FSIP1: variants seen among roughly 807,000 people sequenced by gnomAD.
FSIP1 encodes the protein fibrous sheath-interacting protein 1.
A neutral mutation model predicts 60.9 loss-of-function variants in FSIP1; 65 were observed. The ratio of observed to expected loss-of-function variants is 1.07; its 90% CI spans 0.87 to 1.31. The LOEUF (loss-of-function observed/expected upper bound fraction) is 1.31, where lower values mean the gene tolerates loss of function less well. Ranked by LOEUF, FSIP1 falls within the 40% of genes most tolerant of loss-of-function variation. The probability of loss-of-function intolerance (pLI) is 0.00; values close to 1 mark genes in which losing one functional copy is unlikely to be tolerated. For missense variants in FSIP1, 675 were observed against 665.5 expected (o/e 1.01, Z -0.16); for synonymous variants, 209 against 221.2 (o/e 0.94, Z 0.49).
intron 8 of FSIP1, among the ~76,000 whole-genome samples, chr15:39,730,843 T>C (rs868136469): frequency 2.6e-5 from 4 of 152,186 alleles, no homozygotes; most frequent in South Asian, 4.1e-4. Flanking sequence ...GTCTGGTGGC[T>C]GCGGAGCCAC....
At chr15:39,635,761 T>C (rs1187204098) in intron 10 of FSIP1, among the ~76,000 whole-genome samples, 7 of 152,210 alleles carry the variant, frequency 4.6e-5, no homozygotes, top group Admixed American at 4.6e-4. Flanking sequence ...CCCATCCTGC[T>C]GCCTATTATG....
At chr15:39,723,422 G>T (rs576897653) in intron 9 of FSIP1, among the ~76,000 whole-genome samples, 8 of 152,194 alleles carry the variant, frequency 5.3e-5, no homozygotes, top group African/African-American at 1.9e-4. Flanking sequence ...GTAGAGATGG[G>T]ATTTCACCAT....
At chr15:39,752,147 T>A (rs1897183079) in intron 5 of FSIP1, among the ~76,000 whole-genome samples, 1 of 152,046 alleles carries the variant, frequency 6.6e-6, no homozygotes. Context: ...TTTGTTGCTA[T>A]TGTTTTTGAG....
intron 9 of FSIP1, among the ~76,000 whole-genome samples, chr15:39,725,736 T>C (rs978019359): frequency 6.6e-6 from 1 of 152,022 alleles, no homozygotes; most frequent in Non-Finnish European, 1.5e-5. Context: ...TACTAAAATA[T>C]AGGGTTGAGG....
intron 2 of FSIP1, among the ~76,000 whole-genome samples, chr15:39,773,473 G>A (rs1012264571): frequency 4.6e-5 from 7 of 152,144 alleles, no homozygotes; most frequent in Non-Finnish European, 7.4e-5. Context: ...CTGAGTTTAC[G>A]TGATCACTGA....
rs377082219 is a variant in FSIP1 at position 39,716,783 on chromosome 15, G to A, written c.1051-3202C>T. Among the ~76,000 whole-genome samples the A allele has an allele frequency of 8.8e-5, 13 of 147,400 alleles. No individual in the cohort carries two copies. In the East Asian group the frequency reaches 1.8e-3, roughly 20 times the overall value. On this transcript the variant is annotated intron_variant, in intron 9 of 11. Coordinates refer to ENST00000350221, the MANE Select transcript of FSIP1 (RefSeq NM_152597.5). ...ACATTGTTTGCAGGACTATACAAAGGTACAACCACTTTGAAAAACAGGCCA... is the reference window on the plus strand; with the variant it reads ...ACATTGTTTGCAGGACTATACAAAGATACAACCACTTTGAAAAACAGGCCA...
In FSIP1 at chr15:39,732,517, G is replaced by T. The variant is rs143239722; in HGVS notation, c.891+5574C>A. On this transcript the variant is annotated intron_variant, in intron 8 of 11. Transcript: ENST00000350221. ...ATCTGTAATCCCACCTACTTGGAAG[G>T]CTGAGGCAGGAGAATCACTTGAGCC... is the stretch of plus-strand genomic sequence containing the variant. Among the ~76,000 whole-genome samples, 27 of 151,666 alleles carry T rather than the reference G, an allele frequency of 1.8e-4. No individual in the cohort carries two copies. In the East Asian group the frequency reaches 5.3e-3, roughly 30 times the overall value.
intron 2 of FSIP1, among the ~76,000 whole-genome samples, chr15:39,773,178 A>C (rs552772862): frequency 2.6e-5 from 4 of 152,348 alleles, no homozygotes; most frequent in African/African-American, 9.6e-5. Flanking sequence ...TAAGAATTTA[A>C]TAAAAGACAA....
intron 8 of FSIP1, among the ~76,000 whole-genome samples, chr15:39,730,389 G>A (rs1450546738): frequency 1.3e-5 from 2 of 152,098 alleles, no homozygotes; most frequent in East Asian, 3.8e-4. Flanking sequence ...GAATGGATAA[G>A]GTCATAAAGG....
chr15:39,751,440 C>T (rs1261126383), intron 5 of FSIP1, among the ~76,000 whole-genome samples: 1 of 151,526 alleles, frequency 6.6e-6, no homozygotes, highest in Non-Finnish European at 1.5e-5. Flanking sequence ...CACACACACA[C>T]ACACACACAC....
In FSIP1 at chr15:39,668,765, A is replaced by G. The variant is rs868672489; in HGVS notation, c.1188+44679T>C. On this transcript the variant is annotated intron_variant, in intron 10 of 11. Coordinates refer to ENST00000350221, the MANE Select transcript of FSIP1 (RefSeq NM_152597.5). ...TGCTTGCTTACCACACTAGTTCTCAAGTAGCTACAATTCCTTCGCCTCGCT... is the reference window on the plus strand; with the variant it reads ...TGCTTGCTTACCACACTAGTTCTCAGGTAGCTACAATTCCTTCGCCTCGCT... Among the ~76,000 whole-genome samples, 8 of 152,162 alleles carry G rather than the reference A, an allele frequency of 5.3e-5. No homozygotes were observed. In the South Asian group the frequency reaches 1.5e-3, roughly 28 times the overall value.
At chr15:39,781,249 A>G (rs1898255963) in intron 1 of FSIP1, among the ~76,000 whole-genome samples, 2 of 152,206 alleles carry the variant, frequency 1.3e-5, no homozygotes. Context: ...AAAATAAAAT[A>G]AAAATCACAA....
chr15:39,657,054 C>A (rs1287835098), intron 10 of FSIP1, among the ~76,000 whole-genome samples: 8 of 152,224 alleles, frequency 5.3e-5, no homozygotes. Context: ...TGGAAAGCAG[C>A]ACCTGGGACC....
intron 1 of FSIP1, among the ~76,000 whole-genome samples, chr15:39,778,508 T>C (rs1274866238): frequency 2.0e-5 from 3 of 152,158 alleles, no homozygotes; most frequent in South Asian, 2.1e-4. Context: ...GAAAAAGGTA[T>C]TGGTAAAGGG....
chr15:39,674,897 G>A (rs4924377), intron 10 of FSIP1, among the ~76,000 whole-genome samples: 99,942 of 151,886 alleles, frequency 0.66, 33,725 homozygotes, highest in Non-Finnish European at 0.76. Flanking sequence ...ATAAAAAGTG[G>A]AAAAAAGCTA....
intron 9 of FSIP1, among the ~76,000 whole-genome samples, chr15:39,721,840 G>A (rs529787461): frequency 6.6e-6 from 1 of 152,324 alleles, no homozygotes; most frequent in East Asian, 1.9e-4. Flanking sequence ...TTTCAAGAGA[G>A]AACTAGAAAT....
chr15:39,693,156 G>C (rs535895892), intron 10 of FSIP1, among the ~76,000 whole-genome samples: 3 of 152,190 alleles, frequency 2.0e-5, no homozygotes, highest in Non-Finnish European at 4.4e-5. Flanking sequence ...GTTATTACTA[G>C]TCGGGAATTT....
At chr15:39,768,921 C>A (rs1170728562) in intron 3 of FSIP1, among the ~76,000 whole-genome samples, 1 of 152,154 alleles carries the variant, frequency 6.6e-6, no homozygotes, top group Non-Finnish European at 1.5e-5. Flanking sequence ...TTATGCAGAC[C>A]TTCAACCTCT....
At chr15:39,700,332 T>C (rs1241355223) in intron 10 of FSIP1, among the ~76,000 whole-genome samples, 1 of 152,228 alleles carries the variant, frequency 6.6e-6, no homozygotes, top group African/African-American at 2.4e-5. Context: ...TTTGATCAAA[T>C]ATAGCACTTT....
Sources: gnomAD v4.1 joint callset for allele counts (sites outside exome capture counted in the v4.1 genomes callset) on GRCh38, gnomAD v4.1.1 for gene constraint, MANE v1.5 for transcripts, NCBI Gene and HGNC (gene_info 2026-07-23, HGNC 2026-07-21) for gene names.